The following ADAMTS6 variants were observed in gnomAD, a reference collection of about 807,000 sequenced individuals.
ADAMTS6 encodes the protein ADAM metallopeptidase with thrombospondin type 1 motif 6.
In ADAMTS6, 23 loss-of-function variants were observed where a neutral mutation model predicts 144.3. That is an observed-to-expected ratio of 0.16 (90% CI 0.11 to 0.23). The LOEUF (loss-of-function observed/expected upper bound fraction) is 0.23. Among genes scored for constraint, ADAMTS6 ranks in the 10% least tolerant of loss-of-function variants. The probability of loss-of-function intolerance (pLI) is 1.00; values close to 1 mark genes in which losing one functional copy is unlikely to be tolerated. For synonymous variants in ADAMTS6, 444 were observed against 457.5 expected, an observed-to-expected ratio of 0.97 and a Z score of 0.38; for missense variants, 999 against 1,379.6, an observed-to-expected ratio of 0.72 and a Z score of 4.37.
chr5:65,312,304 G>A (rs188847608), intron 9 of ADAMTS6, among the ~76,000 whole-genome samples: 2 of 151,942 alleles, frequency 1.3e-5, no homozygotes, highest in East Asian at 3.9e-4. Flanking sequence ...GGAATAAAAG[G>A]ACATTCTTAA....
chr5:65,192,388 G>C (rs1360264112), intron 21 of ADAMTS6, among the ~76,000 whole-genome samples: 1 of 151,738 alleles, frequency 6.6e-6, no homozygotes, highest in East Asian at 1.9e-4. Context: ...TTAAATTCTT[G>C]GTCACAATAT....
chr5:65,284,973 T>C (rs1256620684), intron 11 of ADAMTS6, among the ~76,000 whole-genome samples: 1 of 152,088 alleles, frequency 6.6e-6, no homozygotes, highest in African/African-American at 2.4e-5. Flanking sequence ...CCTATAAAAG[T>C]AAGGACATTG....
chr5:65,363,206 C>T (rs1327786450), intron 7 of ADAMTS6, among the ~76,000 whole-genome samples: 42 of 152,020 alleles, frequency 2.8e-4, no homozygotes. Flanking sequence ...AATACTCAAC[C>T]TTTTGGGAGA....
At chr5:65,459,856 C>T (rs966209712) in intron 4 of ADAMTS6, among the ~76,000 whole-genome samples, 2 of 152,128 alleles carry the variant, frequency 1.3e-5, no homozygotes, top group African/African-American at 4.8e-5. Flanking sequence ...TAAACGAACA[C>T]CACAGAGTAC....
intron 8 of ADAMTS6, among the ~76,000 whole-genome samples, chr5:65,331,852 T>C (rs563393835): frequency 3.9e-5 from 6 of 152,016 alleles, no homozygotes; most frequent in Non-Finnish European, 8.8e-5. Flanking sequence ...TGTGTATATA[T>C]ACATATATAT....
At chr5:65,405,796 T>C (rs1754413916) in intron 7 of ADAMTS6, among the ~76,000 whole-genome samples, 1 of 152,184 alleles carries the variant, frequency 6.6e-6, no homozygotes, top group South Asian at 2.1e-4. Context: ...TGTTCTTCCA[T>C]TTGTTCGTGT....
At chr5:65,283,131 G>A (rs1023157229) in intron 11 of ADAMTS6, among the ~76,000 whole-genome samples, 1 of 151,982 alleles carries the variant, frequency 6.6e-6, no homozygotes, top group African/African-American at 2.4e-5. Context: ...GGAGAGCAGA[G>A]CCCTAAAGGT....
At chr5:65,231,410 A>G (rs996356163) in intron 15 of ADAMTS6, among the ~76,000 whole-genome samples, 2 of 152,156 alleles carry the variant, frequency 1.3e-5, no homozygotes, top group African/African-American at 4.8e-5. Context: ...ACAATGAGAG[A>G]AATAGAAAGC....
At chr5:65,323,512 T>C (rs1222880128) in intron 9 of ADAMTS6, among the ~76,000 whole-genome samples, 1 of 152,102 alleles carries the variant, frequency 6.6e-6, no homozygotes, top group Non-Finnish European at 1.5e-5. Context: ...TAATTCAGTC[T>C]ATCATTGTTG....
intron 9 of ADAMTS6, among the ~76,000 whole-genome samples, chr5:65,325,846 A>G (rs758992613): frequency 2.0e-5 from 3 of 152,128 alleles, no homozygotes; most frequent in Non-Finnish European, 2.9e-5. Context: ...AGTTCACTCA[A>G]TCATGATTAA....
intron 15 of ADAMTS6, among the ~76,000 whole-genome samples, chr5:65,235,464 G>T (rs1018468567): frequency 8.4e-6 from 1 of 119,388 alleles, no homozygotes; most frequent in African/African-American, 3.2e-5. Flanking sequence ...GCGTGTCTGT[G>T]AGGGTATTGC....
chr5:65,178,690 AAGAAGC>A (rs1458254950), intron 22 of ADAMTS6, among the ~76,000 whole-genome samples: 1 of 152,230 alleles, frequency 6.6e-6, no homozygotes, highest in African/African-American at 2.4e-5. Flanking sequence ...CTGTTAGCAC[AAGAAGC>A]AGATAAACTA....
At chr5:65,204,689 C>A (rs896874451) in intron 20 of ADAMTS6, among the ~76,000 whole-genome samples, 2 of 152,164 alleles carry the variant, frequency 1.3e-5, no homozygotes, top group African/African-American at 4.8e-5. Context: ...ATCAACAAAG[C>A]TGAATGCAAA....
intron 13 of ADAMTS6, among the ~76,000 whole-genome samples, chr5:65,261,530 T>A (rs1017834563): frequency 5.9e-5 from 9 of 152,326 alleles, no homozygotes; most frequent in South Asian, 2.1e-4. Flanking sequence ...GTAATTTTTT[T>A]AAAAAGATCA....
chr5:65,160,653 A>ATTTTT lies in ADAMTS6; in HGVS notation c.3245-8713_3245-8709dup, dbSNP rs10644572. 8.4e-4 allele frequency among the ~76,000 whole-genome samples: 106 copies of ATTTTT among 126,020 alleles called. 2 individuals are homozygous for ATTTTT. Among genetic ancestry groups the ATTTTT allele is most frequent in the Non-Finnish European group, 1.2e-3 (74 of 61,722 alleles). The allele number at this position is 126,020 out of a possible 152,430, so 82.7% of individuals were successfully genotyped here. ...TTGCTAAAAGGCATTTCTTTCCTCC[A>ATTTTT]TTTTTTTTTTTTTTTTGAGACAGAG... On this transcript the variant is annotated intron_variant, in intron 24 of 24. Transcript: ENST00000381055.
chr5:65,425,599 G>A (rs1020817352), intron 7 of ADAMTS6, among the ~76,000 whole-genome samples: 3 of 152,190 alleles, frequency 2.0e-5, no homozygotes, highest in Admixed American at 6.5e-5. Flanking sequence ...AAATTCTACA[G>A]TATGGTATTT....
chr5:65,210,728 A>C lies in ADAMTS6; in HGVS notation c.2575+4066T>G. On this transcript the variant is annotated intron_variant, in intron 20 of 24. Coordinates refer to ENST00000381055, the MANE Select transcript of ADAMTS6 (RefSeq NM_197941.4). ...CACCAGAAGCACATCATGGGCCAGA[A>C]TGTTTCAGATTACATGTGCTACTTA... The C allele has an allele frequency of 4.6e-6, 3 of 646,286 alleles. No individual in the cohort carries two copies. The Admixed American group carries it at 5.7e-5, about 12-fold the overall frequency. The allele number at this position is 646,286 out of a possible 1,614,324, so 40.0% of individuals were successfully genotyped here. A position where few individuals can be genotyped will look rare whatever the true frequency, so the allele number is the denominator to read the frequency against.
intron 13 of ADAMTS6, 127 bp downstream of exon 13, chr5:65,262,690 G>T: frequency 8.8e-7 from 1 of 1,139,910 alleles, no homozygotes; most frequent in Non-Finnish European, 1.2e-6. Flanking sequence ...CTGTGCCTAT[G>T]GCTTGTTCTG....
In ADAMTS6 at chr5:65,306,747, T is replaced by C. The variant is rs147188707; in HGVS notation, c.1224-6616A>G. Among the ~76,000 whole-genome samples, 75 of 152,338 alleles carry C rather than the reference T, an allele frequency of 4.9e-4. 1 individual carries two copies. In the East Asian group the frequency reaches 0.012, roughly 25 times the overall value. On this transcript the variant is annotated intron_variant, in intron 9 of 24. Transcript: ENST00000381055. Reference sequence around the variant, plus strand: ...CAGATTTCTTAATTTGTGCCAAACATAGTAGGTATAATTTGCCTTTATCTG... The same window carrying C: ...CAGATTTCTTAATTTGTGCCAAACACAGTAGGTATAATTTGCCTTTATCTG...
Sources: gnomAD v4.1 joint callset for allele counts (sites outside exome capture counted in the v4.1 genomes callset) on GRCh38, gnomAD v4.1.1 for gene constraint, MANE v1.5 for transcripts, NCBI Gene and HGNC (gene_info 2026-07-23, HGNC 2026-07-21) for gene names.